Variants in DACH2 observed in about 807,000 individuals in gnomAD.
The protein encoded by DACH2 is dachshund homolog 2.
In DACH2, 17 loss-of-function variants were observed where a neutral mutation model predicts 35.8. That is an observed-to-expected ratio of 0.48 (90% confidence interval 0.33 to 0.71). The LOEUF is 0.71. DACH2 is among the 30% of genes least tolerant of loss of function. The probability of loss-of-function intolerance (pLI) is 0.02; values close to 1 mark genes in which losing one functional copy is unlikely to be tolerated. For synonymous variants in DACH2, 195 were observed against 177.3 expected (o/e 1.10, Z -0.79); for missense variants, 469 against 472.7 (o/e 0.99, Z 0.07).
chrX:86,499,817 A>G (rs1230657491), intron 2 of DACH2, among the ~76,000 whole-genome samples: 5 of 112,110 alleles, frequency 4.5e-5, no homozygotes, highest in Non-Finnish European at 7.5e-5. Context: ...TATTACCACA[A>G]TGCTTTCCTT....
chrX:86,163,982 C>T (rs1203458731), intron 1 of DACH2, among the ~76,000 whole-genome samples: 2 of 111,713 alleles, frequency 1.8e-5, no homozygotes, highest in African/African-American at 6.5e-5. Flanking sequence ...TTCTGCTTTT[C>T]GCTCTTTGAG....
At chrX:86,696,355 T>C (rs1389822775) in intron 5 of DACH2, among the ~76,000 whole-genome samples, 1 of 111,785 alleles carries the variant, frequency 8.9e-6, no homozygotes, top group Non-Finnish European at 1.9e-5. Flanking sequence ...GCATAAAATG[T>C]CCCATACAAA....
At chrX:86,286,273 G>A (rs6623618) in intron 1 of DACH2, among the ~76,000 whole-genome samples, 23 of 104,751 alleles carry the variant, frequency 2.2e-4, no homozygotes, top group African/African-American at 5.2e-4. Flanking sequence ...GACTACAGGC[G>A]CCCGCCACCG....
chrX:86,648,091 G>T (rs958902369), intron 3 of DACH2, among the ~76,000 whole-genome samples: 1 of 110,673 alleles, frequency 9.0e-6, no homozygotes, highest in Non-Finnish European at 1.9e-5. Flanking sequence ...CAGTAACATT[G>T]AATCTCTGCC....
intron 1 of DACH2, among the ~76,000 whole-genome samples, chrX:86,271,524 C>T (rs756158579): frequency 9.0e-6 from 1 of 111,647 alleles, no homozygotes; most frequent in African/African-American, 3.2e-5. Context: ...TGTAAAGAAT[C>T]TGAGACGTGA....
intron 2 of DACH2, among the ~76,000 whole-genome samples, chrX:86,412,865 C>T (rs1355893532): frequency 2.7e-5 from 3 of 111,473 alleles, no homozygotes; most frequent in Non-Finnish European, 3.8e-5. Flanking sequence ...AGTGCCTTCT[C>T]CTGTTTTGGT....
chrX:86,573,154 G>A (rs985222748), intron 3 of DACH2, among the ~76,000 whole-genome samples: 1 of 110,423 alleles, frequency 9.1e-6, no homozygotes, highest in Non-Finnish European at 1.9e-5. Context: ...AGAGAGGGAG[G>A]GAGGAAAGAG....
intron 7 of DACH2, among the ~76,000 whole-genome samples, chrX:86,748,309 AT>A (rs1405964135): frequency 4.5e-5 from 5 of 112,092 alleles, no homozygotes; most frequent in Non-Finnish European, 7.5e-5. Flanking sequence ...TTTTCAATTT[AT>A]GTTGCTCAGA....
At chrX:86,340,540 G>A (rs2035395417) in intron 1 of DACH2, among the ~76,000 whole-genome samples, 1 of 110,718 alleles carries the variant, frequency 9.0e-6, no homozygotes, top group Non-Finnish European at 1.9e-5. Flanking sequence ...ATTAAAACTA[G>A]TCCAAGTAAA....
intron 6 of DACH2, among the ~76,000 whole-genome samples, chrX:86,727,210 A>G (rs1200947327): frequency 9.0e-6 from 1 of 111,689 alleles, no homozygotes; most frequent in African/African-American, 3.3e-5. Context: ...CAAATCCACT[A>G]TGAATTAAGA....
chrX:86,381,320 T>C (rs1298212898), intron 2 of DACH2, among the ~76,000 whole-genome samples: 1 of 111,320 alleles, frequency 9.0e-6, no homozygotes, highest in Non-Finnish European at 1.9e-5. Context: ...CACATACATA[T>C]GAAATATTGA....
chrX:86,559,649 GA>G lies in DACH2; in HGVS notation c.640+45259del, dbSNP rs1365058584. Among the ~76,000 whole-genome samples, 114 of 49,299 alleles carry G rather than the reference GA, an allele frequency of 2.3e-3. 1 individual carries two copies. Among genetic ancestry groups the G allele is most frequent in the African/African-American group, 9.2e-3 (97 of 10,489 alleles). The allele number at this position is 49,299 out of a possible 115,157, so 42.8% of individuals were successfully genotyped here. The stretch of plus-strand genomic sequence containing the variant: ...TTGTATTGGGTGCATAAATATTTAG[GA>G]TAGTTAGCTCCTCTTGTTGAATTGA... On this transcript the variant is annotated intron_variant, in intron 3 of 11. Transcript: ENST00000373125.
chrX:86,465,976 T>A (rs2037659738), intron 2 of DACH2, among the ~76,000 whole-genome samples: 1 of 111,724 alleles, frequency 9.0e-6, no homozygotes, highest in Admixed American at 9.6e-5. Context: ...GTGGGCTACA[T>A]GTATGAATTT....
chrX:86,586,613 AAGAGGTCC>A (rs2039574467), intron 3 of DACH2, among the ~76,000 whole-genome samples: 1 of 111,651 alleles, frequency 9.0e-6, no homozygotes, highest in African/African-American at 3.2e-5. Context: ...TATGGTGAAG[AAGAGGTCC>A]AGTTTCAATC....
intron 2 of DACH2, among the ~76,000 whole-genome samples, chrX:86,510,500 T>C (rs1234851971): frequency 8.9e-6 from 1 of 111,929 alleles, no homozygotes; most frequent in Non-Finnish European, 1.9e-5. Flanking sequence ...TATTTTTCAA[T>C]CTCAGGAAGC....
chrX:86,499,538 C>G (rs2148254878), intron 2 of DACH2, among the ~76,000 whole-genome samples: 1 of 111,560 alleles, frequency 9.0e-6, no homozygotes, highest in East Asian at 2.8e-4. Flanking sequence ...ATAATTTACC[C>G]AAGATCACAG....
At chrX:86,290,637 A>ACC (rs1379362776) in intron 1 of DACH2, among the ~76,000 whole-genome samples, 7 of 108,341 alleles carry the variant, frequency 6.5e-5, no homozygotes, top group Admixed American at 3.0e-4. Context: ...AGCTTTCTGC[A>ACC]TATGGCTAGC....
intron 7 of DACH2, among the ~76,000 whole-genome samples, chrX:86,766,414 G>A (rs2041935919): frequency 9.0e-6 from 1 of 111,484 alleles, no homozygotes; most frequent in Non-Finnish European, 1.9e-5. Context: ...TTCCCACCAC[G>A]GCCAAATTCA....
At chrX:86,648,119 A>G (rs188186065) in intron 3 of DACH2, among the ~76,000 whole-genome samples, 12 of 111,395 alleles carry the variant, frequency 1.1e-4, no homozygotes, top group Admixed American at 9.5e-4. Context: ...ACCAATTTCA[A>G]TGATTTAAAT....
Sources: allele counts gnomAD v4.1 joint callset (sites outside exome capture counted in the v4.1 genomes callset), GRCh38; gene constraint gnomAD v4.1.1; transcripts MANE v1.5; gene names NCBI Gene and HGNC (gene_info 2026-07-23, HGNC 2026-07-21).